Variants in CPEB2 observed in about 807,000 individuals in gnomAD.
The protein encoded by CPEB2 is cytoplasmic polyadenylation element-binding protein 2.
A neutral mutation model predicts 93.6 loss-of-function variants in CPEB2; 56 were observed. The ratio of observed to expected loss-of-function variants is 0.60; its 90% CI spans 0.48 to 0.75. CPEB2 has a LOEUF of 0.75. CPEB2 is among the 30% of genes least tolerant of loss of function. CPEB2 has a pLI of 0.00. For missense variants in CPEB2, 1,579 were observed against 1,395.1 expected (o/e 1.13, Z -2.10); for synonymous variants, 764 against 586.3 (o/e 1.30, Z -4.38).
intron 10 of CPEB2, 94 bp from the exon 11 acceptor site, chr4:15,061,985 A>G (rs1439249859): frequency 8.7e-7 from 1 of 1,146,488 alleles, no homozygotes; most frequent in Non-Finnish European, 1.2e-6. Flanking sequence ...AAATGATAAT[A>G]TACTATTGAC....
intron 3 of CPEB2, among the ~76,000 whole-genome samples, chr4:15,013,464 G>C (rs1418195634): frequency 1.3e-5 from 2 of 151,952 alleles, no homozygotes; most frequent in Non-Finnish European, 2.9e-5. Flanking sequence ...AATTAGTATT[G>C]TTGCGTTCAT....
chr4:15,040,868 A>C (rs894814362), intron 6 of CPEB2, among the ~76,000 whole-genome samples: 10 of 152,166 alleles, frequency 6.6e-5, no homozygotes, highest in Admixed American at 2.6e-4. Context: ...TATGATGTAT[A>C]ATTTACAGCT....
At chr4:15,056,800 T>G (rs1296038162) in intron 8 of CPEB2, among the ~76,000 whole-genome samples, 1 of 152,158 alleles carries the variant, frequency 6.6e-6, no homozygotes, top group Non-Finnish European at 1.5e-5. Flanking sequence ...TTAGCTTGCT[T>G]TAACAAATTC....
Position 15,066,341 on chromosome 4 carries a change from T to C in CPEB2, c.3066T>C (p.Gly1022=). The C allele has an allele frequency of 6.2e-7, 1 of 1,612,534 alleles. No homozygotes were observed. Among genetic ancestry groups the C allele is most frequent in the Non-Finnish European group, 8.5e-7 (1 of 1,179,140 alleles). The part of the protein sequence containing the change: ...REFHKPLVKE[G]ADRPRQIHFR... ...TCCATAAGCCATTGGTAAAGGAAGG[T>C]GCTGATCGCCCACGTCAGATCCACT... Residue 1022 remains glycine, a synonymous_variant, in exon 12 of 12, where the codon GGT becomes GGC. Transcript: ENST00000538197.
At chr4:15,019,918 T>G (rs1295892740) in intron 4 of CPEB2, among the ~76,000 whole-genome samples, 1 of 152,100 alleles carries the variant, frequency 6.6e-6, no homozygotes, top group Non-Finnish European at 1.5e-5. Flanking sequence ...GGGAGCAGTT[T>G]AGCTGGTTAC....
At chr4:15,048,056 A>T (rs1480163142) in intron 6 of CPEB2, among the ~76,000 whole-genome samples, 1 of 151,950 alleles carries the variant, frequency 6.6e-6, no homozygotes, top group Non-Finnish European at 1.5e-5. Flanking sequence ...TGATAAATCA[A>T]TCTTACGTTC....
In CPEB2 at chr4:15,052,533, C is replaced by G; in HGVS notation, c.2320C>G (p.Arg774Gly). Residue 774 changes from arginine (R) to glycine (G), a missense_variant, in exon 7 of 12, where the codon CGC (arginine) becomes GGC (glycine). By Grantham distance (125) the Arg-to-Gly change is moderately radical. Around this residue, in one of 2 missense-constraint regions of CPEB2, gnomAD observed 168 missense variants for 339.1 expected, o/e 0.50. Transcript: ENST00000538197. Reference sequence around the variant, plus strand: ...TCACCAAAATGGAGAGCGAATAGAACGCTTCTCTCGAAAAGTTTTTGTTGG... The same window carrying G: ...TCACCAAAATGGAGAGCGAATAGAAGGCTTCTCTCGAAAAGTTTTTGTTGG... ...SAHQNGERIERFSRKVFVGGL... is the reference protein window; with the variant it reads ...SAHQNGERIEGFSRKVFVGGL... The G allele has an allele frequency of 6.3e-7, 1 of 1,579,240 alleles. No homozygotes were observed. Among genetic ancestry groups the G allele is most frequent in the South Asian group, 1.2e-5 (1 of 86,496 alleles).
chr4:15,050,960 A>G (rs896598361), intron 6 of CPEB2, among the ~76,000 whole-genome samples: 3 of 152,194 alleles, frequency 2.0e-5, no homozygotes, highest in Admixed American at 1.3e-4. Flanking sequence ...GCTTCTGAAC[A>G]TCCTAACAGC....
intron 4 of CPEB2, among the ~76,000 whole-genome samples, chr4:15,020,927 G>A (rs1161517902): frequency 6.6e-6 from 1 of 152,132 alleles, no homozygotes; most frequent in African/African-American, 2.4e-5. Flanking sequence ...TGGAGTAAAG[G>A]AAGCTGAGAC....
rs770137510 is a variant in CPEB2 at position 15,033,149 on chromosome 4, G to A, written c.2126-12G>A. Reference sequence around the variant, plus strand: ...CATAATCTTCAAACTCACCTTTCCTGTCTTTTTAAAGGTCGATTGAGCTAT... The same window carrying A: ...CATAATCTTCAAACTCACCTTTCCTATCTTTTTAAAGGTCGATTGAGCTAT... On this transcript the variant is annotated splice_polypyrimidine_tract_variant and intron_variant, in intron 4 of 11. Coordinates refer to ENST00000538197, the MANE Select transcript of CPEB2 (RefSeq NM_001177382.2). 2.5e-6 allele frequency: 4 copies of A among 1,592,062 alleles called. No individual in the cohort carries two copies. The highest frequency in any genetic ancestry group is 1.1e-5 in the South Asian group (1 of 89,066).
At chr4:15,055,954 A>G (rs994306087) in intron 8 of CPEB2, among the ~76,000 whole-genome samples, 3 of 152,200 alleles carry the variant, frequency 2.0e-5, no homozygotes, top group Non-Finnish European at 4.4e-5. Flanking sequence ...AAATGAGGTC[A>G]GTTCCTCCTG....
At chr4:15,045,223 C>T (rs1242193249) in intron 6 of CPEB2, among the ~76,000 whole-genome samples, 2 of 152,116 alleles carry the variant, frequency 1.3e-5, no homozygotes, top group South Asian at 4.1e-4. Flanking sequence ...TAATTAGAAT[C>T]TCACTCCAGC....
chr4:15,047,116 T>G (rs1727783147), intron 6 of CPEB2, among the ~76,000 whole-genome samples: 1 of 152,216 alleles, frequency 6.6e-6, no homozygotes, highest in South Asian at 2.1e-4. Context: ...TTCTAGACTC[T>G]ATTATGTTCC....
chr4:15,042,053 T>C (rs1202602282), intron 6 of CPEB2, among the ~76,000 whole-genome samples: 4 of 152,186 alleles, frequency 2.6e-5, no homozygotes, highest in Non-Finnish European at 4.4e-5. Context: ...ATGGACTAGC[T>C]TATTTCACTA....
At chr4:15,055,328 T>G (rs1219229468) in intron 8 of CPEB2, among the ~76,000 whole-genome samples, 1 of 152,186 alleles carries the variant, frequency 6.6e-6, no homozygotes, top group East Asian at 1.9e-4. Context: ...CTCCATGTAG[T>G]CTGGAGTTCA....
chr4:15,055,283 CCTCT>C (rs1728606032), intron 8 of CPEB2, among the ~76,000 whole-genome samples: 1 of 151,994 alleles, frequency 6.6e-6, no homozygotes, highest in South Asian at 2.1e-4. Context: ...GGATCCCAGG[CCTCT>C]ATGAGAATCT....
Position 15,008,372 on chromosome 4 carries a change from C to G in CPEB2, c.1979C>G (p.Ser660Ter). ...RSSLQLPAWG[S>*]DSLQDSWCTA... Reference sequence around the variant, plus strand: ...AGTTTGCAGTTGCCAGCTTGGGGCTCAGATTCACTCCAAGATAGTTGGTGC... The same window carrying G: ...AGTTTGCAGTTGCCAGCTTGGGGCTGAGATTCACTCCAAGATAGTTGGTGC... The change falls in exon 3 of 12, where the codon TCA (serine) becomes TGA (stop). Residue 660 changes from serine (S) to a stop codon, truncating the protein, a stop_gained. Transcript: ENST00000538197. LOFTEE classifies it high-confidence loss of function. 6.2e-7 allele frequency: 1 copy of G among 1,613,848 alleles called. No individual in the cohort carries two copies.
chr4:15,038,613 G>T (rs1263837437), intron 5 of CPEB2, among the ~76,000 whole-genome samples: 1 of 150,000 alleles, frequency 6.7e-6, no homozygotes, highest in African/African-American at 2.5e-5. Flanking sequence ...CTTTGAGACG[G>T]AGTCTCGTTC....
At chr4:15,019,524 C>T (rs1265837052) in intron 4 of CPEB2, among the ~76,000 whole-genome samples, 1 of 151,908 alleles carries the variant, frequency 6.6e-6, no homozygotes, top group East Asian at 1.9e-4. Context: ...CATTACTGTT[C>T]TTGAGGGCAG....
Sources: gnomAD v4.1 joint callset for allele counts (sites outside exome capture counted in the v4.1 genomes callset) on GRCh38, gnomAD v4.1.1 for gene constraint, gnomAD v4.1.1 regional missense constraint, MANE v1.5 for transcripts, NCBI Gene and HGNC (gene_info 2026-07-23, HGNC 2026-07-21) for gene names.